The following KIAA0319 variants were observed in gnomAD, a reference collection of about 807,000 sequenced individuals.
The protein encoded by KIAA0319 is KIAA0319, also known as dyslexia-associated protein KIAA0319.
KIAA0319 carries 83 observed loss-of-function variants against 108.4 expected under a neutral mutation model. The ratio of observed to expected loss-of-function variants is 0.77; its 90% CI spans 0.64 to 0.92. The LOEUF is 0.92. KIAA0319 is among the 40% of genes least tolerant of loss of function. The pLI is 0.00. For synonymous variants in KIAA0319, 484 were observed against 510.4 expected (o/e 0.95, Z 0.70); for missense variants, 1,195 against 1,322.4 (o/e 0.90, Z 1.49).
At chr6:24,622,769 C>T (rs1774144885) in intron 1 of KIAA0319, among the ~76,000 whole-genome samples, 1 of 152,154 alleles carries the variant, frequency 6.6e-6, no homozygotes, top group Non-Finnish European at 1.5e-5. Flanking sequence ...AATGGCTGGG[C>T]ACGGTGGTTC....
intron 1 of KIAA0319, among the ~76,000 whole-genome samples, chr6:24,608,930 CAAAAAAA>C (rs57120652): frequency 6.6e-3 from 198 of 30,086 alleles, no homozygotes; most frequent in South Asian, 0.019. Context: ...GACTCCGTCT[CAAAAAAA>C]AAAAAAAAAA....
In KIAA0319 at chr6:24,559,035, C is replaced by T. The variant is rs948733248; in HGVS notation, c.2712G>A (p.Lys904=). The stretch of plus-strand genomic sequence containing the variant: ...TACCTGCTGTATCAACCCTCAAGAC[C>T]TTGAAAAGCAAGAAGTCAGCCTTCT... ...SKEKADFLLF[K]VLRVDTAGCL... is the part of the protein sequence containing the mutation. Residue 904 remains lysine, a synonymous_variant, in exon 17 of 21, where the codon AAG becomes AAA. Transcript: ENST00000378214. 1 of 1,612,332 alleles carries T rather than the reference C, an allele frequency of 6.2e-7. No homozygotes were observed. Among genetic ancestry groups the T allele is most frequent in the Non-Finnish European group, 8.5e-7 (1 of 1,179,380 alleles).
At chr6:24,607,344 T>C (rs1429185634) in intron 1 of KIAA0319, among the ~76,000 whole-genome samples, 1 of 150,572 alleles carries the variant, frequency 6.6e-6, no homozygotes, top group Non-Finnish European at 1.5e-5. Context: ...CAACAAAAGC[T>C]AGACTCCATC....
At chr6:24,637,066 T>C (rs1776297653) in intron 1 of KIAA0319, among the ~76,000 whole-genome samples, 1 of 152,212 alleles carries the variant, frequency 6.6e-6, no homozygotes, top group Non-Finnish European at 1.5e-5. Context: ...TTCAAAGCTT[T>C]GTAACAGAAG....
chr6:24,599,191 G>A lies in KIAA0319; in HGVS notation c.55+1858C>T. On this transcript the variant is annotated intron_variant, in intron 2 of 20. Transcript: ENST00000378214. This position sits in a 1 kb window ranked among gnomAD's most constrained non-coding sequence, Gnocchi z 4.1. Reference sequence around the variant, plus strand: ...AACTGTAGCCAGGCCGGGGCTGACAGCCTGTACCAGGTCAAGTATGAGGAG... The same window carrying A: ...AACTGTAGCCAGGCCGGGGCTGACAACCTGTACCAGGTCAAGTATGAGGAG... 1 of 544,116 alleles carries A rather than the reference G, an allele frequency of 1.8e-6. No individual in the cohort carries two copies. The highest frequency in any genetic ancestry group is 2.0e-5 in the South Asian group (1 of 49,694). 33.7% of individuals were successfully genotyped at this position (544,116 alleles called of 1,614,324 possible). A position where few individuals can be genotyped will look rare whatever the true frequency, so the allele number is the denominator to read the frequency against.
At chr6:24,642,095 A>C (rs970044948) in intron 1 of KIAA0319, among the ~76,000 whole-genome samples, 32 of 125,070 alleles carry the variant, frequency 2.6e-4, no homozygotes, top group Non-Finnish European at 1.0e-4. Context: ...AGAAGAAAGG[A>C]AGGGAAGGGA....
At chr6:24,618,713 G>C (rs144345875) in intron 1 of KIAA0319, among the ~76,000 whole-genome samples, 2 of 151,436 alleles carry the variant, frequency 1.3e-5, no homozygotes, top group African/African-American at 4.9e-5. Context: ...AAGAGTATTA[G>C]GTCCCAAAGA....
chr6:24,568,989 G>T, intron 12 of KIAA0319, 60 bp from the exon 13 acceptor site: 1 of 1,533,604 alleles, frequency 6.5e-7, no homozygotes, highest in Non-Finnish European at 9.0e-7. Context: ...AATATGACAG[G>T]CATGCGATTT....
chr6:24,553,330 C>T (rs1476290254), intron 19 of KIAA0319, among the ~76,000 whole-genome samples: 1 of 114,420 alleles, frequency 8.7e-6, no homozygotes, highest in African/African-American at 3.9e-5. Flanking sequence ...CACACACACA[C>T]ACACACGCAC....
At chr6:24,630,689 A>T (rs1385071716) in intron 1 of KIAA0319, among the ~76,000 whole-genome samples, 1 of 71,052 alleles carries the variant, frequency 1.4e-5, no homozygotes. Context: ...ATGTGTATAT[A>T]TATATATATA....
At chr6:24,553,335 A>ACACACGCG (rs1215978157) in intron 19 of KIAA0319, among the ~76,000 whole-genome samples, 1 of 83,780 alleles carries the variant, frequency 1.2e-5, no homozygotes, top group African/African-American at 4.0e-5. Flanking sequence ...ACACACACAC[A>ACACACGCG]CGCACATATA....
At chr6:24,585,399 C>T (rs149417492) in intron 4 of KIAA0319, among the ~76,000 whole-genome samples, 31 of 150,910 alleles carry the variant, frequency 2.1e-4, no homozygotes, top group African/African-American at 6.8e-4. Flanking sequence ...TTGTGGGCCT[C>T]AAGATCTTTG....
chr6:24,582,444 G>T, intron 5 of KIAA0319, 98 bp from the exon 6 acceptor site: 1 of 622,546 alleles, frequency 1.6e-6, no homozygotes, highest in Non-Finnish European at 2.9e-6. Flanking sequence ...CACCAGTGCA[G>T]ATTACCTTAG....
At chr6:24,597,968 C>T (rs969771699) in intron 2 of KIAA0319, 3 of 151,332 alleles carry the variant, frequency 2.0e-5, no homozygotes, top group African/African-American at 7.8e-5. Flanking sequence ...GAAGCATCTG[C>T]ACCGTCTTGA....
intron 1 of KIAA0319, among the ~76,000 whole-genome samples, chr6:24,634,217 T>C (rs1775924075): frequency 6.6e-6 from 1 of 152,216 alleles, no homozygotes; most frequent in African/African-American, 2.4e-5. Context: ...TCTACCAGCC[T>C]GGCAGACTAA....
chr6:24,541,684 G>C (rs1760198517), downstream of KIAA0319, among the ~76,000 whole-genome samples: 1 of 152,068 alleles, frequency 6.6e-6, no homozygotes, highest in Non-Finnish European at 1.5e-5. Context: ...TGTAATCCTA[G>C]CTACCTGGGA....
chr6:24,579,479 T>C (rs1766110039), intron 8 of KIAA0319, among the ~76,000 whole-genome samples: 1 of 145,986 alleles, frequency 6.8e-6, no homozygotes, highest in African/African-American at 2.5e-5. Flanking sequence ...ATATATCTTA[T>C]ATATCTCATA....
At chr6:24,563,604 A>C in intron 15 of KIAA0319, 86 bp from the exon 16 acceptor site, 1 of 1,244,722 alleles carries the variant, frequency 8.0e-7, no homozygotes, top group South Asian at 1.7e-5. Flanking sequence ...TAGGAGCTCA[A>C]AGTTACTCCT....
Position 24,568,865 on chromosome 6 carries a change from C to T in KIAA0319, c.2056G>A (p.Val686Met). ...KAIATVTGLQ[V>M]GTYHFRLTVK... ...GTCAAACGGAAGTGGTAGGTCCCCACCTGGAGACCAGTCACAGTGGCTATT... is the reference window on the plus strand; with the variant it reads ...GTCAAACGGAAGTGGTAGGTCCCCATCTGGAGACCAGTCACAGTGGCTATT... The change falls in exon 13 of 21, where the codon GTG becomes ATG. Residue 686 changes from valine (V) to methionine (M), a missense_variant. By Grantham distance (21) the Val-to-Met change is conservative. Coordinates refer to ENST00000378214, the MANE Select transcript of KIAA0319 (RefSeq NM_014809.4). 11 of 1,613,878 alleles carry T rather than the reference C, an allele frequency of 6.8e-6. No individual in the cohort carries two copies. Among genetic ancestry groups the T allele is most frequent in the Non-Finnish European group, 9.3e-6 (11 of 1,179,740 alleles).
Sources: allele counts gnomAD v4.1 joint callset (sites outside exome capture counted in the v4.1 genomes callset), GRCh38; gene constraint gnomAD v4.1.1; non-coding constraint Gnocchi (gnomAD v3.1); transcripts MANE v1.5; gene names NCBI Gene and HGNC (gene_info 2026-07-23, HGNC 2026-07-21).